The following OXR1 variants were observed in gnomAD, a reference collection of about 807,000 sequenced individuals.
OXR1 encodes oxidation resistance protein 1.
Under a neutral mutation model 104.6 loss-of-function variants are expected in OXR1, and 41 were observed. The ratio of observed to expected loss-of-function variants is 0.39; its 90% confidence interval spans 0.31 to 0.51. The LOEUF (loss-of-function observed/expected upper bound fraction) is 0.51, where lower values mean the gene tolerates loss of function less well. OXR1 is among the 20% of genes least tolerant of loss of function. OXR1 has a pLI of 0.77. For missense variants in OXR1, 955 were observed against 1,031.9 expected, an observed-to-expected ratio of 0.93 and a Z score of 1.02; for synonymous variants, 348 against 348.4, an observed-to-expected ratio of 1.00 and a Z score of 0.01.
intron 7 of OXR1, among the ~76,000 whole-genome samples, chr8:106,693,528 C>G (rs1587116677): frequency 6.9e-6 from 1 of 144,262 alleles, no homozygotes; most frequent in African/African-American, 2.6e-5. Flanking sequence ...CTCCTGGGTT[C>G]AAGCAATTCT....
chr8:106,551,145 C>A (rs1045448181), intron 3 of OXR1, among the ~76,000 whole-genome samples: 3 of 152,102 alleles, frequency 2.0e-5, no homozygotes, highest in Non-Finnish European at 4.4e-5. Flanking sequence ...AGTTTAACAT[C>A]AAGAGCAGTT....
Position 106,421,869 on chromosome 8 carries a change from C to T in OXR1, c.23+62233C>T, listed in dbSNP as rs187410653. On this transcript the variant is annotated intron_variant, in intron 2 of 16. Coordinates refer to ENST00000517566, the MANE Select transcript of OXR1 (RefSeq NM_001198533.2). ...AGAAAATCTCTTTTCCTTAAATATACGCAAGTTGATAATTTCTATATAGCT... is the reference window on the plus strand; with the variant it reads ...AGAAAATCTCTTTTCCTTAAATATATGCAAGTTGATAATTTCTATATAGCT... 2.4e-3 allele frequency among the ~76,000 whole-genome samples: 278 copies of T among 116,174 alleles called. 2 individuals carry two copies. Among genetic ancestry groups the T allele is most frequent in the African/African-American group, 8.4e-3 (217 of 25,734 alleles). 76.2% of individuals were successfully genotyped at this position (116,174 alleles called of 152,430 possible). A position where few individuals can be genotyped will look rare whatever the true frequency, so the allele number is the denominator to read the frequency against.
chr8:106,637,751 A>G (rs376085311), intron 3 of OXR1, among the ~76,000 whole-genome samples: 1 of 147,580 alleles, frequency 6.8e-6, no homozygotes, highest in African/African-American at 2.5e-5. Context: ...TAGACACTAC[A>G]TAGTTTCGAC....
At chr8:106,469,498 A>G (rs1368947098) in intron 2 of OXR1, among the ~76,000 whole-genome samples, 1 of 151,840 alleles carries the variant, frequency 6.6e-6, no homozygotes, top group African/African-American at 2.4e-5. Flanking sequence ...GTATTGGCTT[A>G]TAGCTCAATT....
intron 2 of OXR1, among the ~76,000 whole-genome samples, chr8:106,502,876 A>G (rs575158394): frequency 6.6e-6 from 1 of 152,318 alleles, no homozygotes; most frequent in East Asian, 1.9e-4. Flanking sequence ...AACTAAACTC[A>G]GTTTTGTACA....
chr8:106,426,043 GAGAC>G (rs1329836071), intron 2 of OXR1, among the ~76,000 whole-genome samples: 2 of 152,170 alleles, frequency 1.3e-5, no homozygotes, highest in Non-Finnish European at 2.9e-5. Flanking sequence ...AAAGGCCTGA[GAGAC>G]AGACAGTTTT....
intron 3 of OXR1, among the ~76,000 whole-genome samples, chr8:106,652,965 A>G (rs1207071327): frequency 1.3e-5 from 2 of 151,514 alleles, no homozygotes; most frequent in South Asian, 2.1e-4. Context: ...AGAAATGAAC[A>G]GGATTATAAA....
At chr8:106,464,345 A>G (rs7813440) in intron 2 of OXR1, among the ~76,000 whole-genome samples, 1,705 of 152,216 alleles carry the variant, frequency 0.011, 30 homozygotes, top group African/African-American at 0.039. Context: ...AAGTCAAGCT[A>G]TGAGGAAGGA....
chr8:106,505,294 G>T (rs1488721694), intron 2 of OXR1, among the ~76,000 whole-genome samples: 37 of 152,134 alleles, frequency 2.4e-4, no homozygotes, highest in Non-Finnish European at 4.4e-5. Context: ...TGAGGAGGGG[G>T]TCATTGATTC....
chr8:106,618,267 G>A, intron 3 of OXR1: 2 of 1,113,438 alleles, frequency 1.8e-6, no homozygotes, highest in Non-Finnish European at 2.6e-6. Flanking sequence ...CACACTTTAT[G>A]TTGCATTTTC....
intron 2 of OXR1, among the ~76,000 whole-genome samples, chr8:106,368,929 G>A (rs981384543): frequency 6.6e-6 from 1 of 152,166 alleles, no homozygotes; most frequent in African/African-American, 2.4e-5. Context: ...TAATGGGATT[G>A]CTGGGTCAAA....
rs368798699 is a variant in OXR1 at position 106,578,983 on chromosome 8, C to T, written c.220+59844C>T. ...GACCACCTAGGTAACCTCACTTTTT[C>T]TTTCTTTTTTTTTTTTTTTGCCTAG... is the stretch of plus-strand genomic sequence containing the variant. On this transcript the variant is annotated intron_variant, in intron 3 of 16. Coordinates refer to ENST00000517566, the MANE Select transcript of OXR1 (RefSeq NM_001198533.2). 2.2e-4 allele frequency among the ~76,000 whole-genome samples: 29 copies of T among 130,972 alleles called. 1 individual carries two copies. Among genetic ancestry groups the T allele is most frequent in the South Asian group, 4.7e-4 (2 of 4,218 alleles). The allele number at this position is 130,972 out of a possible 152,430, so 85.9% of individuals were successfully genotyped here.
At chr8:106,312,061 G>A (rs1053722620) in intron 1 of OXR1, among the ~76,000 whole-genome samples, 1 of 151,756 alleles carries the variant, frequency 6.6e-6, no homozygotes, top group African/African-American at 2.4e-5. Context: ...GGAGGGAGCA[G>A]AGGCTAACTT....
At chr8:106,542,777 G>C (rs57087979) in intron 3 of OXR1, among the ~76,000 whole-genome samples, 3,557 of 152,080 alleles carry the variant, frequency 0.023, 142 homozygotes, top group African/African-American at 0.082. Flanking sequence ...TTGATGCCTA[G>C]GGTCATGAGA....
intron 3 of OXR1, among the ~76,000 whole-genome samples, chr8:106,593,273 C>A (rs565262699): frequency 1.3e-5 from 2 of 152,148 alleles, no homozygotes; most frequent in Admixed American, 1.3e-4. Flanking sequence ...GCACCCGACC[C>A]GCCGGAACTC....
intron 3 of OXR1, among the ~76,000 whole-genome samples, chr8:106,626,716 A>G (rs549747938): frequency 1.1e-4 from 16 of 151,386 alleles, no homozygotes; most frequent in Non-Finnish European, 1.9e-4. Context: ...TTAACATTGT[A>G]GATCCCTGTA....
intron 9 of OXR1, among the ~76,000 whole-genome samples, chr8:106,708,015 C>A (rs1429957439): frequency 6.6e-6 from 1 of 152,054 alleles, no homozygotes; most frequent in Non-Finnish European, 1.5e-5. Flanking sequence ...GGCATTAGTA[C>A]ATTCACATTG....
intron 2 of OXR1, among the ~76,000 whole-genome samples, chr8:106,393,373 C>T (rs986135887): frequency 6.6e-6 from 1 of 152,074 alleles, no homozygotes; most frequent in African/African-American, 2.4e-5. Context: ...AACACAGTAA[C>T]GAGTCATAAT....
intron 2 of OXR1, among the ~76,000 whole-genome samples, chr8:106,387,065 C>T (rs4587301): frequency 0.68 from 102,638 of 152,020 alleles, 34,886 homozygotes; most frequent in Middle Eastern, 0.71. Context: ...AGCAAAGATG[C>T]ACTGGCCTAA....
Sources: allele counts gnomAD v4.1 joint callset (sites outside exome capture counted in the v4.1 genomes callset), GRCh38; gene constraint gnomAD v4.1.1; transcripts MANE v1.5; gene names NCBI Gene and HGNC (gene_info 2026-07-23, HGNC 2026-07-21).